Variants in PREX2 observed in about 807,000 individuals in gnomAD.
PREX2 encodes the protein phosphatidylinositol 3,4,5-trisphosphate-dependent Rac exchanger 2 protein.
A neutral mutation model predicts 203.2 loss-of-function variants in PREX2; 107 were observed. That is an observed-to-expected ratio of 0.53 (90% CI 0.45 to 0.62). The LOEUF is 0.62. Among genes scored for constraint, PREX2 ranks in the 20% least tolerant of loss-of-function variants. The pLI, the probability that PREX2 is intolerant of heterozygous loss-of-function variation, is 0.00. For synonymous variants in PREX2, 672 were observed against 663.6 expected (o/e 1.01, Z -0.19); for missense variants, 1,777 against 1,955.9 (o/e 0.91, Z 1.72).
intron 1 of PREX2, among the ~76,000 whole-genome samples, chr8:68,013,670 A>G (rs923701367): frequency 6.6e-6 from 1 of 152,132 alleles, no homozygotes; most frequent in African/African-American, 2.4e-5. Flanking sequence ...ATTTACCCTT[A>G]TTGTTTTTTT....
chr8:68,047,139 G>GCA (rs1056256005), intron 8 of PREX2, among the ~76,000 whole-genome samples: 1 of 151,986 alleles, frequency 6.6e-6, no homozygotes, highest in Non-Finnish European at 1.5e-5. Flanking sequence ...GCGTATGGAG[G>GCA]TTGGGTTTGG....
intron 35 of PREX2, among the ~76,000 whole-genome samples, chr8:68,158,876 G>T (rs1203463456): frequency 6.6e-6 from 1 of 152,102 alleles, no homozygotes; most frequent in Non-Finnish European, 1.5e-5. Flanking sequence ...TCATCAGGAA[G>T]GCTCATTCCC....
chr8:68,086,393 C>A (rs1224000285), intron 18 of PREX2, among the ~76,000 whole-genome samples: 1 of 152,182 alleles, frequency 6.6e-6, no homozygotes, highest in Non-Finnish European at 1.5e-5. Context: ...ATTTCATAAA[C>A]TGCAGATAAG....
chr8:67,967,084 C>T (rs1350410316), intron 1 of PREX2, among the ~76,000 whole-genome samples: 5 of 152,314 alleles, frequency 3.3e-5, no homozygotes, highest in Non-Finnish European at 7.4e-5. Context: ...TTCTGTCACT[C>T]TTCTTTTTTG....
chr8:68,150,009 CT>C (rs1269176070), intron 34 of PREX2, among the ~76,000 whole-genome samples: 2 of 152,194 alleles, frequency 1.3e-5, no homozygotes, highest in Non-Finnish European at 2.9e-5. Flanking sequence ...AGGATGCAGG[CT>C]GTCCTTAGGA....
chr8:68,095,478 C>CT (rs1467419087), intron 21 of PREX2, among the ~76,000 whole-genome samples: 4 of 151,544 alleles, frequency 2.6e-5, no homozygotes, highest in Non-Finnish European at 4.4e-5. Flanking sequence ...GATTTAAAAG[C>CT]TTTTTTTCAG....
chr8:68,073,578 T>C (rs752419868), intron 14 of PREX2, among the ~76,000 whole-genome samples: 3 of 152,220 alleles, frequency 2.0e-5, no homozygotes, highest in Non-Finnish European at 2.9e-5. Flanking sequence ...TTATATTTCA[T>C]AGCACTTACA....
At chr8:68,168,407 A>C (rs1811805424) in intron 35 of PREX2, among the ~76,000 whole-genome samples, 1 of 152,238 alleles carries the variant, frequency 6.6e-6, no homozygotes, top group East Asian at 1.9e-4. Context: ...TTTATTAAGA[A>C]AATAGCATGA....
At chr8:68,205,761 A>G (rs1466748972) in intron 37 of PREX2, among the ~76,000 whole-genome samples, 1 of 152,244 alleles carries the variant, frequency 6.6e-6, no homozygotes, top group African/African-American at 2.4e-5. Context: ...CATTACAGGA[A>G]TGAACACACT....
chr8:68,052,982 AAG>A (rs1177988003), intron 8 of PREX2, 113 bp from the exon 9 acceptor site: 16 of 854,740 alleles, frequency 1.9e-5, no homozygotes, highest in Admixed American at 2.7e-5. Context: ...ATGTAAAGCA[AAG>A]AGATGTTGAA....
intron 1 of PREX2, among the ~76,000 whole-genome samples, chr8:67,980,760 G>T (rs562678200): frequency 6.6e-6 from 1 of 152,284 alleles, no homozygotes; most frequent in South Asian, 2.1e-4. Flanking sequence ...TTCCCCCTTT[G>T]TTTCAGTCTG....
chr8:68,109,388 T>C (rs967260576), intron 24 of PREX2, 28 bp from the exon 25 acceptor site: 46 of 1,565,050 alleles, frequency 2.9e-5, no homozygotes, highest in Non-Finnish European at 3.9e-5. Flanking sequence ...GTGATACATA[T>C]TACTAAGGAA....
chr8:68,023,008 G>T (rs1183278994), intron 4 of PREX2, among the ~76,000 whole-genome samples: 1 of 152,114 alleles, frequency 6.6e-6, no homozygotes, highest in Non-Finnish European at 1.5e-5. Flanking sequence ...TGGATATGCT[G>T]TATTTTGTTT....
chr8:68,131,569 A>G, intron 31 of PREX2, among the ~76,000 whole-genome samples: 1 of 84,540 alleles, frequency 1.2e-5, no homozygotes, highest in Admixed American at 1.4e-4. Context: ...TGCACACTGA[A>G]AAGTTGACGT....
intron 1 of PREX2, among the ~76,000 whole-genome samples, chr8:67,988,987 G>T (rs1284625480): frequency 6.6e-6 from 1 of 152,114 alleles, no homozygotes; most frequent in Non-Finnish European, 1.5e-5. Context: ...ACGTGTATTG[G>T]CCAGATTCAC....
intron 34 of PREX2, among the ~76,000 whole-genome samples, chr8:68,154,041 T>A (rs938821509): frequency 3.3e-5 from 5 of 152,234 alleles, no homozygotes; most frequent in Non-Finnish European, 5.9e-5. Context: ...TCAAGATCTT[T>A]ACAAAAATTA....
In PREX2 at chr8:68,097,092, TC is replaced by T; in HGVS notation, c.2446del (p.His816ThrfsTer24). 6.2e-7 allele frequency: 1 copy of T among 1,614,016 alleles called. No homozygotes were observed. The highest frequency in any genetic ancestry group is 8.5e-7 in the Non-Finnish European group (1 of 1,179,932). On this transcript the variant is annotated frameshift_variant, in exon 22 of 40. Transcript: ENST00000288368. LOFTEE classifies it high-confidence loss of function. ...CATGTGAGTCTGACAGTGGACAATG[TC>T]CACCTGGAATATGGTGTCGTGTATG... is the stretch of plus-strand genomic sequence containing the variant. ...KEHVSLTVDN[V>X]HLEYGVVYEY...
At chr8:68,120,563 G>A (rs1810751289) in intron 29 of PREX2, among the ~76,000 whole-genome samples, 1 of 152,174 alleles carries the variant, frequency 6.6e-6, no homozygotes, top group Non-Finnish European at 1.5e-5. Flanking sequence ...TAAACATGAA[G>A]TTGATTTTGC....
intron 11 of PREX2, among the ~76,000 whole-genome samples, chr8:68,064,101 C>T (rs575765212): frequency 1.3e-5 from 2 of 152,186 alleles, no homozygotes; most frequent in African/African-American, 4.8e-5. Context: ...GAGAAAGCAG[C>T]GTATGCTTTC....
Sources: gnomAD v4.1 joint callset for allele counts (sites outside exome capture counted in the v4.1 genomes callset) on GRCh38, gnomAD v4.1.1 for gene constraint, MANE v1.5 for transcripts, NCBI Gene and HGNC (gene_info 2026-07-23, HGNC 2026-07-21) for gene names.